Variants in FARS2 observed in about 807,000 individuals in gnomAD.
The protein encoded by FARS2 is phenylalanyl-tRNA synthetase 2, mitochondrial, also known as phenylalanine--tRNA ligase, mitochondrial.
In FARS2, 40 loss-of-function variants were observed where a neutral mutation model predicts 46.4. The observed-to-expected ratio is 0.86, with a 90% CI of 0.67 to 1.12. The LOEUF is 1.12. FARS2 is among the 50% of genes most tolerant of loss of function. The pLI is 0.00. For missense variants in FARS2, 513 were observed against 567.9 expected, an observed-to-expected ratio of 0.90 and a Z score of 0.98; for synonymous variants, 234 against 214.9, an observed-to-expected ratio of 1.09 and a Z score of -0.78.
At chr6:5,638,711 G>A (rs550172244) in intron 6 of FARS2, among the ~76,000 whole-genome samples, 27 of 152,382 alleles carry the variant, frequency 1.8e-4, no homozygotes, top group Admixed American at 1.8e-3. Context: ...CCGCTGTGGG[G>A]TCTGGGCACT....
chr6:5,614,210 A>C (rs1385890960), intron 6 of FARS2, among the ~76,000 whole-genome samples: 2 of 152,116 alleles, frequency 1.3e-5, no homozygotes, highest in Non-Finnish European at 2.9e-5. Flanking sequence ...TTTGATTTGC[A>C]TTTCTGACTG....
At chr6:5,321,774 A>G (rs1367735999) in intron 1 of FARS2, among the ~76,000 whole-genome samples, 1 of 152,160 alleles carries the variant, frequency 6.6e-6, no homozygotes, top group Non-Finnish European at 1.5e-5. Flanking sequence ...TTCTTCATCC[A>G]CTAAATCTGC....
At chr6:5,442,083 A>G (rs1172166029) in intron 4 of FARS2, among the ~76,000 whole-genome samples, 1 of 152,210 alleles carries the variant, frequency 6.6e-6, no homozygotes, top group African/African-American at 2.4e-5. Flanking sequence ...TGGGTGGTAG[A>G]GTGAGACCCT....
chr6:5,445,617 G>A (rs7750446), intron 4 of FARS2, among the ~76,000 whole-genome samples: 1,886 of 152,276 alleles, frequency 0.012, 22 homozygotes, highest in Non-Finnish European at 0.018. Context: ...AGACTTGATA[G>A]TCACCTAAGT....
At chr6:5,666,451 C>A (rs1778126235) in intron 6 of FARS2, among the ~76,000 whole-genome samples, 1 of 152,162 alleles carries the variant, frequency 6.6e-6, no homozygotes. Flanking sequence ...TATAGAAGAA[C>A]TACACAGTGC....
At chr6:5,483,831 C>T (rs1190462336) in intron 4 of FARS2, among the ~76,000 whole-genome samples, 1 of 152,044 alleles carries the variant, frequency 6.6e-6, no homozygotes, top group African/African-American at 2.4e-5. Context: ...ACAACCAGAG[C>T]TTGTGGATAG....
chr6:5,742,639 C>A (rs1243786860), intron 6 of FARS2, among the ~76,000 whole-genome samples: 6 of 151,806 alleles, frequency 4.0e-5, no homozygotes, highest in Admixed American at 2.6e-4. Context: ...GTTGCATTTT[C>A]CTACCCTCCC....
Position 5,368,971 on chromosome 6 carries a change from A to G in FARS2, c.401A>G (p.Asp134Gly), listed in dbSNP as rs1758858120. 1 of 1,614,062 alleles carries G rather than the reference A, an allele frequency of 6.2e-7. No individual in the cohort carries two copies. The highest frequency in any genetic ancestry group is 8.5e-7 in the Non-Finnish European group (1 of 1,180,000). The part of the protein sequence containing the change: ...QNFDSLLIPA[D>G]HPSRKKGDNY... ...TTTGACAGCCTGCTCATCCCAGCTGATCACCCCAGCAGGAAGAAGGGGGAC... is the reference window on the plus strand; with the variant it reads ...TTTGACAGCCTGCTCATCCCAGCTGGTCACCCCAGCAGGAAGAAGGGGGAC... Residue 134 changes from aspartate to glycine, a missense_variant, in exon 2 of 7, where the codon GAT becomes GGT. Coordinates refer to ENST00000274680, the MANE Select transcript of FARS2 (RefSeq NM_006567.5).
chr6:5,728,503 T>A (rs750262009), intron 6 of FARS2, among the ~76,000 whole-genome samples: 1 of 152,172 alleles, frequency 6.6e-6, no homozygotes, highest in Non-Finnish European at 1.5e-5. Context: ...AAGGATGCCT[T>A]CTTCAAAATG....
At chr6:5,699,132 C>A (rs1758271866) in intron 6 of FARS2, among the ~76,000 whole-genome samples, 1 of 152,196 alleles carries the variant, frequency 6.6e-6, no homozygotes, top group South Asian at 2.1e-4. Flanking sequence ...ATAGCAACAG[C>A]CCCCTGTAGA....
rs2150499979 is a variant in FARS2, at chr6:5,545,034, C to T, written c.905-146C>T. Reference sequence around the variant, plus strand: ...GAGAAAGCGTGGAAGATTGGGCACCCTCATGGATGTCTTTGTAGCGGCTGC... The same window carrying T: ...GAGAAAGCGTGGAAGATTGGGCACCTTCATGGATGTCTTTGTAGCGGCTGC... On this transcript the variant is annotated intron_variant, in intron 4 of 6. Transcript: ENST00000274680. 4.2e-6 allele frequency: 3 copies of T among 707,530 alleles called. No individual in the cohort carries two copies. The East Asian group carries it at 7.6e-5, about 18-fold the overall frequency. 43.8% of individuals were successfully genotyped at this position (707,530 alleles called of 1,614,324 possible). A position where few individuals can be genotyped will look rare whatever the true frequency, so the allele number is the denominator to read the frequency against.
chr6:5,756,741 T>C (rs1391809512), intron 6 of FARS2, among the ~76,000 whole-genome samples: 1 of 152,224 alleles, frequency 6.6e-6, no homozygotes, highest in African/African-American at 2.4e-5. Context: ...GTAGAATCTT[T>C]AGTTTATCTT....
At chr6:5,701,102 A>T (rs1445302030) in intron 6 of FARS2, among the ~76,000 whole-genome samples, 3 of 152,218 alleles carry the variant, frequency 2.0e-5, no homozygotes, top group African/African-American at 7.2e-5. Context: ...GATCTATGGG[A>T]TTTGGTGGGC....
intron 1 of FARS2, among the ~76,000 whole-genome samples, chr6:5,357,454 T>C (rs1193796693): frequency 1.3e-5 from 2 of 152,120 alleles, no homozygotes; most frequent in African/African-American, 4.8e-5. Flanking sequence ...TCCTAACTAG[T>C]AAGTTTAGTG....
intron 1 of FARS2, among the ~76,000 whole-genome samples, chr6:5,356,894 A>G (rs1487113353): frequency 6.6e-6 from 1 of 151,968 alleles, no homozygotes; most frequent in Non-Finnish European, 1.5e-5. Context: ...TGTATTGCTA[A>G]TCCTTACAAC....
At chr6:5,582,935 T>C (rs1773418739) in intron 5 of FARS2, among the ~76,000 whole-genome samples, 1 of 152,124 alleles carries the variant, frequency 6.6e-6, no homozygotes, top group Non-Finnish European at 1.5e-5. Context: ...GGGTGAGCTG[T>C]GAAGCTCACA....
rs542893466 is a variant in FARS2 at position 5,657,901 on chromosome 6, G to A, written c.1217+44581G>A. On this transcript the variant is annotated intron_variant, in intron 6 of 6. Transcript: ENST00000274680. ...CCCTCACCAGCCATGTTGGTTAGAA[G>A]GTTACTCAACTTCAATTTCCTCTTC... Among the ~76,000 whole-genome samples the A allele has an allele frequency of 3.3e-5, 5 of 152,290 alleles. No homozygotes were observed. In the South Asian group the frequency reaches 8.3e-4, roughly 25 times the overall value.
At chr6:5,354,332 T>C (rs1446401821) in intron 1 of FARS2, among the ~76,000 whole-genome samples, 2 of 152,086 alleles carry the variant, frequency 1.3e-5, no homozygotes, top group African/African-American at 2.4e-5. Context: ...ATAATAACAG[T>C]AGAGGATCTG....
intron 6 of FARS2, among the ~76,000 whole-genome samples, chr6:5,684,227 G>A (rs940921974): frequency 6.6e-6 from 1 of 152,070 alleles, no homozygotes; most frequent in South Asian, 2.1e-4. Context: ...CACAGCCTGG[G>A]TCCTCAGAGG....
Sources: allele counts gnomAD v4.1 joint callset (sites outside exome capture counted in the v4.1 genomes callset), GRCh38; gene constraint gnomAD v4.1.1; transcripts MANE v1.5; gene names NCBI Gene and HGNC (gene_info 2026-07-23, HGNC 2026-07-21).